Variants in FRMD3 observed in about 807,000 individuals in gnomAD.
FRMD3 encodes FERM domain containing 3, also known as FERM domain-containing protein 3.
In FRMD3, 33 loss-of-function variants were observed where a neutral mutation model predicts 70.2. That is an observed-to-expected ratio of 0.47 (90% CI 0.36 to 0.63). The LOEUF (loss-of-function observed/expected upper bound fraction) is 0.63. Among genes scored for constraint, FRMD3 ranks in the 20% least tolerant of loss-of-function variants. The pLI, the probability that FRMD3 is intolerant of heterozygous loss-of-function variation, is 0.00. For missense variants in FRMD3, 632 were observed against 711.4 expected (o/e 0.89, Z 1.27); for synonymous variants, 279 against 255.9 (o/e 1.09, Z -0.86).
At chr9:83,561,311 A>T in the FRMD3 span, among the ~76,000 whole-genome samples, 1 of 152,124 alleles carries the variant, frequency 6.6e-6, no homozygotes. Flanking sequence ...TTTTTTTTAC[A>T]TAAGGCTTTC....
chr9:83,278,721 A>G (rs1043352706), intron 13 of FRMD3, among the ~76,000 whole-genome samples: 2 of 152,168 alleles, frequency 1.3e-5, no homozygotes, highest in African/African-American at 4.8e-5. Flanking sequence ...ACAGGGTCAG[A>G]GTCAGAAGCC....
At chr9:83,564,415 C>A in the FRMD3 span, among the ~76,000 whole-genome samples, 1 of 152,144 alleles carries the variant, frequency 6.6e-6, no homozygotes, top group Non-Finnish European at 1.5e-5. Context: ...AGGCCAACAG[C>A]CTCAATCTCT....
At chr9:83,419,453 T>A (rs1013732886) in intron 1 of FRMD3, among the ~76,000 whole-genome samples, 6 of 148,482 alleles carry the variant, frequency 4.0e-5, no homozygotes, top group African/African-American at 1.6e-4. Context: ...TGAGAGAGTG[T>A]GTGTGTGTGT....
intron 3 of FRMD3, among the ~76,000 whole-genome samples, chr9:83,369,368 G>A (rs1824895035): frequency 6.6e-6 from 1 of 152,030 alleles, no homozygotes; most frequent in Non-Finnish European, 1.5e-5. Context: ...CTGAGGTCAG[G>A]AGTTCAAGAC....
intron 13 of FRMD3, among the ~76,000 whole-genome samples, chr9:83,253,035 A>T (rs1832503646): frequency 6.6e-6 from 1 of 152,208 alleles, no homozygotes; most frequent in Admixed American, 6.5e-5. Context: ...CATGGTAGAT[A>T]TCTACAGAAA....
At position 83,248,524 on chromosome 9, in the gene FRMD3, G is replaced by A; in HGVS notation, c.1196-8C>T. On this transcript the variant is annotated splice_region_variant and splice_polypyrimidine_tract_variant and intron_variant, in intron 13 of 13. Transcript: ENST00000304195. ...CTTTAGGCAATGGAACACCTGTAAA[G>A]AGACATTTTTTTTTCTAAATTTAAA... 1 of 1,542,254 alleles carries A rather than the reference G, an allele frequency of 6.5e-7. No homozygotes were observed. The highest frequency in any genetic ancestry group is 1.4e-5 in the African/African-American group (1 of 71,928).
At chr9:83,424,631 T>C (rs1044511183) in intron 1 of FRMD3, among the ~76,000 whole-genome samples, 5 of 152,134 alleles carry the variant, frequency 3.3e-5, no homozygotes, top group Non-Finnish European at 7.4e-5. Flanking sequence ...AACAGAAAAT[T>C]GCATCACAAT....
intron 3 of FRMD3, among the ~76,000 whole-genome samples, chr9:83,365,547 G>A (rs2131237278): frequency 6.6e-6 from 1 of 151,904 alleles, no homozygotes; most frequent in East Asian, 1.9e-4. Flanking sequence ...CATAGGGCAT[G>A]GCTAGGGAAG....
chr9:83,417,133 G>A (rs1479082013), intron 1 of FRMD3, among the ~76,000 whole-genome samples: 3 of 152,098 alleles, frequency 2.0e-5, no homozygotes, highest in Non-Finnish European at 4.4e-5. Context: ...ATAATTTTTT[G>A]AGTTGAAAAT....
chr9:83,440,269 A>T (rs1243129941), intron 1 of FRMD3, among the ~76,000 whole-genome samples: 1 of 152,250 alleles, frequency 6.6e-6, no homozygotes, highest in Non-Finnish European at 1.5e-5. Context: ...TGTCATTTAG[A>T]TTAATAGAAC....
At chr9:83,270,238 G>A (rs1293665287) in intron 13 of FRMD3, among the ~76,000 whole-genome samples, 1 of 152,240 alleles carries the variant, frequency 6.6e-6, no homozygotes, top group Non-Finnish European at 1.5e-5. Flanking sequence ...AGCAGAAGAT[G>A]TGTGAAGAGG....
At chr9:83,271,800 A>G (rs1468623797) in intron 13 of FRMD3, among the ~76,000 whole-genome samples, 3 of 152,206 alleles carry the variant, frequency 2.0e-5, no homozygotes, top group Non-Finnish European at 4.4e-5. Context: ...GGAAAGGTCA[A>G]TAAAAATCCT....
At chr9:83,334,578 A>G (rs1471783310) in intron 6 of FRMD3, among the ~76,000 whole-genome samples, 1 of 152,186 alleles carries the variant, frequency 6.6e-6, no homozygotes, top group African/African-American at 2.4e-5. Flanking sequence ...GCAGTTTTTC[A>G]TCAACACTTG....
At chr9:83,475,455 A>G (rs1245178773) in intron 1 of FRMD3, among the ~76,000 whole-genome samples, 1 of 152,118 alleles carries the variant, frequency 6.6e-6, no homozygotes, top group Non-Finnish European at 1.5e-5. Context: ...TAAAACACGA[A>G]AAGGAAAAAG....
rs1339262447 is a variant in FRMD3, at chr9:83,331,808, G to A, written c.596+3708C>T. 7.0e-6 allele frequency: 5 copies of A among 716,456 alleles called. No individual in the cohort carries two copies. The Middle Eastern group carries it at 9.1e-4, about 131-fold the overall frequency. 44.4% of individuals were successfully genotyped at this position (716,456 alleles called of 1,614,324 possible). On this transcript the variant is annotated intron_variant, in intron 6 of 13. Coordinates refer to ENST00000304195, the MANE Select transcript of FRMD3 (RefSeq NM_174938.6). ...AACTCTATTAGTCAATGAGTTGTGA[G>A]GGCCATTAAGGGCTGGGTGCCCACT...
chr9:83,407,143 C>T (rs985889132), intron 1 of FRMD3, among the ~76,000 whole-genome samples: 2 of 152,196 alleles, frequency 1.3e-5, no homozygotes, highest in East Asian at 1.9e-4. Context: ...AATACTGTCA[C>T]GGTCATTTCT....
chr9:83,423,329 C>G (rs1206684086), intron 1 of FRMD3, among the ~76,000 whole-genome samples: 3 of 152,262 alleles, frequency 2.0e-5, no homozygotes, highest in East Asian at 1.9e-4. Flanking sequence ...CTCTTGCACT[C>G]ATCCCAGGGA....
At chr9:83,484,358 C>T (rs1361609779) in intron 1 of FRMD3, among the ~76,000 whole-genome samples, 3 of 152,270 alleles carry the variant, frequency 2.0e-5, no homozygotes, top group East Asian at 3.9e-4. Flanking sequence ...TGGCAAGAGC[C>T]GGGGAAGACA....
chr9:83,403,582 T>G (rs1215156615), intron 1 of FRMD3, among the ~76,000 whole-genome samples: 1 of 152,106 alleles, frequency 6.6e-6, no homozygotes, highest in Non-Finnish European at 1.5e-5. Flanking sequence ...CCAGAATGTC[T>G]TCCACTTCAT....
Sources: allele counts gnomAD v4.1 joint callset (sites outside exome capture counted in the v4.1 genomes callset), GRCh38; gene constraint gnomAD v4.1.1; transcripts MANE v1.5; gene names NCBI Gene and HGNC (gene_info 2026-07-23, HGNC 2026-07-21).